ATRNL1: variants seen among roughly 807,000 people sequenced by gnomAD.
The protein encoded by ATRNL1 is attractin like 1.
A neutral mutation model predicts 182.7 loss-of-function variants in ATRNL1; 95 were observed. That is an observed-to-expected ratio of 0.52 (90% CI 0.44 to 0.62). The LOEUF (loss-of-function observed/expected upper bound fraction) is 0.62, where lower values mean the gene tolerates loss of function less well. Among genes scored for constraint, ATRNL1 ranks in the 20% least tolerant of loss-of-function variants. The probability of loss-of-function intolerance (pLI) is 0.00; values close to 1 mark genes in which losing one functional copy is unlikely to be tolerated. For missense variants in ATRNL1, 1,471 were observed against 1,679.5 expected, an observed-to-expected ratio of 0.88 and a Z score of 2.17; for synonymous variants, 576 against 568.3, an observed-to-expected ratio of 1.01 and a Z score of -0.19.
chr10:115,389,548 A>ATATATATG (rs1564989841), intron 19 of ATRNL1, among the ~76,000 whole-genome samples: 10 of 30,196 alleles, frequency 3.3e-4, no homozygotes, highest in Non-Finnish European at 6.8e-4. Context: ...GTGTATATAT[A>ATATATATG]TATATATATA....
chr10:115,464,616 A>C lies in ATRNL1; in HGVS notation c.3418-2558A>C, dbSNP rs549655587. On this transcript the variant is annotated intron_variant, in intron 22 of 28. Coordinates refer to ENST00000355044, the MANE Select transcript of ATRNL1 (RefSeq NM_207303.4). Reference sequence around the variant, plus strand: ...TTGGAATTGATAGAGAATGAACTAAAAATTCAAAAAGAGTTTTATAGGTTT... The same window carrying C: ...TTGGAATTGATAGAGAATGAACTAACAATTCAAAAAGAGTTTTATAGGTTT... Among the ~76,000 whole-genome samples, 8 of 152,090 alleles carry C rather than the reference A, an allele frequency of 5.3e-5. No homozygotes were observed. In the East Asian group the frequency reaches 1.5e-3, roughly 29 times the overall value.
intron 27 of ATRNL1, among the ~76,000 whole-genome samples, chr10:115,771,107 C>T (rs1173686434): frequency 6.6e-6 from 1 of 151,984 alleles, no homozygotes; most frequent in Non-Finnish European, 1.5e-5. Flanking sequence ...AATACCTTAC[C>T]CTGGTATTAT....
intron 26 of ATRNL1, among the ~76,000 whole-genome samples, chr10:115,623,751 G>A (rs1171405919): frequency 6.6e-6 from 1 of 151,732 alleles, no homozygotes; most frequent in East Asian, 1.9e-4. Context: ...TGAAAGAGAA[G>A]GTATACATAA....
intron 27 of ATRNL1, among the ~76,000 whole-genome samples, chr10:115,738,154 T>TTTTTTTTTTTTTTTC (rs71010046): frequency 0.036 from 2,283 of 63,846 alleles, 587 homozygotes; most frequent in East Asian, 0.081. Context: ...TTTTTTTTTT[T>TTTTTTTTTTTTTTTC]TTGAGATGGA....
At chr10:115,728,390 G>C (rs984455985) in intron 27 of ATRNL1, among the ~76,000 whole-genome samples, 1 of 146,348 alleles carries the variant, frequency 6.8e-6, no homozygotes, top group Non-Finnish European at 1.5e-5. Flanking sequence ...TAATTTAATT[G>C]TATGTTTATT....
At chr10:115,698,022 GCT>G (rs1428673185) in intron 26 of ATRNL1, among the ~76,000 whole-genome samples, 1 of 152,120 alleles carries the variant, frequency 6.6e-6, no homozygotes, top group Non-Finnish European at 1.5e-5. Context: ...TTTGATTTAT[GCT>G]CTTTGTCACA....
intron 27 of ATRNL1, among the ~76,000 whole-genome samples, chr10:115,737,815 T>C (rs534207287): frequency 3.3e-5 from 5 of 152,232 alleles, no homozygotes; most frequent in African/African-American, 1.2e-4. Flanking sequence ...CCAGGTATAG[T>C]CTTTTAGGAA....
At chr10:115,711,700 G>A (rs1349170402) in intron 26 of ATRNL1, among the ~76,000 whole-genome samples, 1 of 152,066 alleles carries the variant, frequency 6.6e-6, no homozygotes, top group Non-Finnish European at 1.5e-5. Flanking sequence ...GAAATGGGTT[G>A]GAACAGGACA....
chr10:115,552,192 C>T (rs1554995726), intron 26 of ATRNL1, among the ~76,000 whole-genome samples: 1 of 151,290 alleles, frequency 6.6e-6, no homozygotes, highest in African/African-American at 2.4e-5. Flanking sequence ...TTTTTAACCA[C>T]ACTAGTTGTA....
intron 26 of ATRNL1, among the ~76,000 whole-genome samples, chr10:115,713,449 G>GTGTGTGTGTGTGTGTT (rs1555055205): frequency 0.12 from 16,274 of 137,450 alleles, 950 homozygotes; most frequent in Admixed American, 0.14. Context: ...GTGGCTGTGT[G>GTGTGTGTGTGTGTGTT]TGTGTGTGTG....
At chr10:115,908,921 GCAGTAGA>G (rs1952583885) in intron 28 of ATRNL1, among the ~76,000 whole-genome samples, 1 of 152,146 alleles carries the variant, frequency 6.6e-6, no homozygotes, top group African/African-American at 2.4e-5. Context: ...AATGCCCTGT[GCAGTAGA>G]CCCTTGGTGG....
intron 19 of ATRNL1, among the ~76,000 whole-genome samples, chr10:115,378,241 C>G (rs139793362): frequency 6.6e-6 from 1 of 152,274 alleles, no homozygotes; most frequent in Non-Finnish European, 1.5e-5. Flanking sequence ...AGGGCTGTTT[C>G]AAGATCCACA....
chr10:115,385,362 G>A (rs1489667342), intron 19 of ATRNL1, among the ~76,000 whole-genome samples: 2 of 151,976 alleles, frequency 1.3e-5, no homozygotes, highest in Non-Finnish European at 2.9e-5. Context: ...CTGCTTGTGC[G>A]TATGAAGTAT....
intron 24 of ATRNL1, among the ~76,000 whole-genome samples, chr10:115,510,830 A>T (rs1850351096): frequency 6.6e-6 from 1 of 151,940 alleles, no homozygotes; most frequent in East Asian, 1.9e-4. Context: ...AAAGTGAGGG[A>T]GAAACACTGA....
chr10:115,686,838 A>T (rs570740636), intron 26 of ATRNL1, among the ~76,000 whole-genome samples: 1 of 152,072 alleles, frequency 6.6e-6, no homozygotes, highest in Non-Finnish European at 1.5e-5. Context: ...TAAGCACCTT[A>T]TTGAGTAATA....
Position 115,601,633 on chromosome 10 carries a change from G to A in ATRNL1, c.3795+52097G>A, listed in dbSNP as rs57595477. 2.3e-3 allele frequency among the ~76,000 whole-genome samples: 345 copies of A among 152,150 alleles called. 1 individual carries two copies. Among genetic ancestry groups the A allele is most frequent in the African/African-American group, 7.5e-3 (313 of 41,542 alleles). ...TTATTATGAATATCCCTTTTTATTC[G>A]TAGTATTAACTCATGTTCTGGTCTA... On this transcript the variant is annotated intron_variant, in intron 26 of 28. Coordinates refer to ENST00000355044, the MANE Select transcript of ATRNL1 (RefSeq NM_207303.4).
chr10:115,755,443 A>G (rs535788120), intron 27 of ATRNL1, among the ~76,000 whole-genome samples: 3 of 152,018 alleles, frequency 2.0e-5, no homozygotes, highest in African/African-American at 4.8e-5. Context: ...GGTTTTTGTC[A>G]TTGGTTCTGT....
At chr10:115,428,950 T>A (rs913726486) in intron 21 of ATRNL1, among the ~76,000 whole-genome samples, 5 of 152,258 alleles carry the variant, frequency 3.3e-5, no homozygotes, top group South Asian at 4.1e-4. Flanking sequence ...TAACATTTTT[T>A]AATTTATTCT....
At chr10:115,298,623 TAA>T in intron 15 of ATRNL1, among the ~76,000 whole-genome samples, 1 of 152,248 alleles carries the variant, frequency 6.6e-6, no homozygotes. Context: ...TTTTGCTTAT[TAA>T]AATATTTTTC....
Sources: allele counts gnomAD v4.1 joint callset (sites outside exome capture counted in the v4.1 genomes callset), GRCh38; gene constraint gnomAD v4.1.1; transcripts MANE v1.5; gene names NCBI Gene and HGNC (gene_info 2026-07-23, HGNC 2026-07-21).